MED6: variants seen among roughly 807,000 people sequenced by gnomAD.
MED6 encodes mediator of RNA polymerase II transcription subunit 6.
In MED6, 33 loss-of-function variants were observed where a neutral mutation model predicts 37.5. That is an observed-to-expected ratio of 0.88 (90% CI 0.67 to 1.18). The LOEUF (loss-of-function observed/expected upper bound fraction) is 1.18, where lower values mean the gene tolerates loss of function less well. MED6 is among the 50% of genes most tolerant of loss of function. MED6 has a pLI of 0.00. For missense variants in MED6, 235 were observed against 290.6 expected (o/e 0.81, Z 1.39); for synonymous variants, 94 against 93.6 (o/e 1.00, Z -0.02).
Position 70,587,330 on chromosome 14 carries a change from C to T in MED6, c.583-1547G>A, listed in dbSNP as rs184288516. 2.4e-4 allele frequency among the ~76,000 whole-genome samples: 37 copies of T among 152,322 alleles called. No individual in the cohort carries two copies. In the East Asian group the frequency reaches 2.9e-3, roughly 12 times the overall value. ...AATAAATCTTAGCTGAGTACAACTA[C>T]ATGCTGAGTCCTCTGAGTCCTGCTA... On this transcript the variant is annotated intron_variant, in intron 6 of 7. Transcript: ENST00000256379.
chr14:70,600,300 C>T (rs1262033652), intron 1 of MED6, among the ~76,000 whole-genome samples: 1 of 152,128 alleles, frequency 6.6e-6, no homozygotes, highest in East Asian at 1.9e-4. Context: ...AAACGCCATT[C>T]CTTCACTCCA....
chr14:70,585,633 G>C, intron 7 of MED6, 123 bp downstream of exon 7: 1 of 699,094 alleles, frequency 1.4e-6, no homozygotes, highest in East Asian at 3.3e-5. Context: ...CTTCCAATGA[G>C]ACCCAGCCCC....
intron 1 of MED6, among the ~76,000 whole-genome samples, chr14:70,598,431 C>T (rs1190164740): frequency 2.0e-5 from 3 of 151,902 alleles, no homozygotes; most frequent in African/African-American, 4.8e-5. Context: ...GCTGAGATCG[C>T]GCCACTGCAC....
chr14:70,588,688 A>AAATAATAATAAT (rs77093432), intron 6 of MED6, among the ~76,000 whole-genome samples: 1 of 134,638 alleles, frequency 7.4e-6, no homozygotes, highest in African/African-American at 2.7e-5. Context: ...TCCGTCTCAA[A>AAATAATAATAAT]AATAATAATA....
In MED6 at chr14:70,593,314, T is replaced by C. The variant is rs780693549; in HGVS notation, c.339A>G (p.Ser113=). 1 of 1,613,832 alleles carries C rather than the reference T, an allele frequency of 6.2e-7. No homozygotes were observed. The highest frequency in any genetic ancestry group is 1.7e-5 in the Admixed American group (1 of 60,032). ...CACTTACCACTCTAGAGTTTATAAC[T>C]GATCCCAAGTCTGGTGCCTGATAGA... is the stretch of plus-strand genomic sequence containing the variant. The part of the protein sequence containing the change: ...GVIYQAPDLG[S]VINSRVLTAV... Residue 113 remains serine (S), a synonymous_variant, in exon 4 of 8, where the codon TCA becomes TCG. Coordinates refer to ENST00000256379, the MANE Select transcript of MED6 (RefSeq NM_005466.4).
intron 4 of MED6, 116 bp downstream of exon 4, chr14:70,593,180 A>G: frequency 5.8e-6 from 7 of 1,209,746 alleles, no homozygotes; most frequent in Non-Finnish European, 8.3e-6. Context: ...AGACATTCTA[A>G]TAGTCAATAC....
chr14:70,593,251 A>C, intron 4 of MED6, 45 bp downstream of exon 4: 1 of 1,499,936 alleles, frequency 6.7e-7, no homozygotes, highest in Non-Finnish European at 9.3e-7. Context: ...CAAGGTAGCT[A>C]ATTAAAAGTT....
Position 70,584,054 on chromosome 14 carries a change from T to C in MED6, c.*759A>G. ...TACAGTATTTATAGGGTAATGGTAT[T>C]GGTGAGTGAGGTTTTTCCTTTTCTT... On this transcript the variant is annotated 3_prime_UTR_variant, in exon 8 of 8. Transcript: ENST00000256379. 1 of 600,578 alleles carries C rather than the reference T, an allele frequency of 1.7e-6. No individual in the cohort carries two copies. The highest frequency in any genetic ancestry group is 3.0e-6 in the Non-Finnish European group (1 of 337,640). The allele number at this position is 600,578 out of a possible 1,614,324, so 37.2% of individuals were successfully genotyped here.
intron 2 of MED6, among the ~76,000 whole-genome samples, chr14:70,596,923 C>T (rs1011459551): frequency 1.3e-5 from 2 of 152,150 alleles, no homozygotes; most frequent in African/African-American, 4.8e-5. Flanking sequence ...AATTTCTCTA[C>T]AACAATGTAT....
Position 70,597,798 on chromosome 14 carries a change from T to C in MED6, c.23-21A>G, listed in dbSNP as rs1885088111. On this transcript the variant is annotated intron_variant, in intron 1 of 7. Coordinates refer to ENST00000256379, the MANE Select transcript of MED6 (RefSeq NM_005466.4). ...ATTGTCTATGGGAAAGAAAACAAAA[T>C]GATAAAGGATTAGAAAAATAGAAAG... 8 of 1,525,920 alleles carry C rather than the reference T, an allele frequency of 5.2e-6. No homozygotes were observed. The Admixed American group carries it at 1.6e-4, about 30-fold the overall frequency. The allele number at this position is 1,525,920 out of a possible 1,614,324, so 94.5% of individuals were successfully genotyped here.
intron 5 of MED6, among the ~76,000 whole-genome samples, chr14:70,592,258 T>C (rs888459502): frequency 6.6e-6 from 1 of 152,126 alleles, no homozygotes; most frequent in African/African-American, 2.4e-5. Context: ...GCAGATTACA[T>C]GGAAACTTGG....
chr14:70,596,545 G>T (rs1885052374), intron 3 of MED6, 66 bp downstream of exon 3: 2 of 1,288,228 alleles, frequency 1.6e-6, no homozygotes, highest in Admixed American at 3.8e-5. Context: ...AAACAAGTTA[G>T]GTCAGGAAGT....
At chr14:70,598,123 C>T (rs929463147) in intron 1 of MED6, among the ~76,000 whole-genome samples, 2 of 151,852 alleles carry the variant, frequency 1.3e-5, no homozygotes, top group Admixed American at 6.6e-5. Context: ...GGAGAAACCC[C>T]GTCTCTACTA....
At position 70,598,124 on chromosome 14, in the gene MED6, G is replaced by A. The variant is rs983615695; in HGVS notation, c.23-347C>T. Among the ~76,000 whole-genome samples the A allele has an allele frequency of 1.1e-4, 17 of 152,004 alleles. No individual in the cohort carries two copies. The Middle Eastern group carries it at 0.02, about 182-fold the overall frequency. Reference sequence around the variant, plus strand: ...AGCCTGACCAACATGGAGAAACCCCGTCTCTACTAAAAATACAAAATTAGC... The same window carrying A: ...AGCCTGACCAACATGGAGAAACCCCATCTCTACTAAAAATACAAAATTAGC... On this transcript the variant is annotated intron_variant, in intron 1 of 7. Coordinates refer to ENST00000256379, the MANE Select transcript of MED6 (RefSeq NM_005466.4).
chr14:70,592,477 CCTTTTTTT>C (rs1884905202), intron 5 of MED6: 1 of 128,888 alleles, frequency 7.8e-6, no homozygotes, highest in Non-Finnish European at 1.5e-5. Context: ...CTCCTATGTT[CCTTTTTTT>C]TTTTTTTTTT....
At chr14:70,594,007 TTC>T in intron 3 of MED6, among the ~76,000 whole-genome samples, 1 of 152,332 alleles carries the variant, frequency 6.6e-6, no homozygotes, top group Middle Eastern at 3.4e-3. Flanking sequence ...GGTTCTAAGG[TTC>T]TCTTTTACTC....
At chr14:70,600,548 C>G in intron 1 of MED6, 68 bp downstream of exon 1, 1 of 1,580,296 alleles carries the variant, frequency 6.3e-7, no homozygotes, top group Non-Finnish European at 8.7e-7. Context: ...AACCTTGAAA[C>G]CGCGAGCTAT....
chr14:70,590,655 T>C (rs1276102707), intron 6 of MED6, among the ~76,000 whole-genome samples: 1 of 152,260 alleles, frequency 6.6e-6, no homozygotes, highest in African/African-American at 2.4e-5. Flanking sequence ...CATATTCATC[T>C]ATTCCATTCC....
At chr14:70,589,662 T>C (rs976483289) in intron 6 of MED6, among the ~76,000 whole-genome samples, 1 of 152,228 alleles carries the variant, frequency 6.6e-6, no homozygotes, top group African/African-American at 2.4e-5. Context: ...TGGTAATGGG[T>C]TGTAAGTTTA....
Sources: allele counts gnomAD v4.1 joint callset (sites outside exome capture counted in the v4.1 genomes callset), GRCh38; gene constraint gnomAD v4.1.1; transcripts MANE v1.5; gene names NCBI Gene and HGNC (gene_info 2026-07-23, HGNC 2026-07-21).